NMU: variants seen among roughly 807,000 people sequenced by gnomAD.
NMU encodes the protein neuromedin-U.
In NMU, 29 loss-of-function variants were observed where a neutral mutation model predicts 35.4. That is an observed-to-expected ratio of 0.82 (90% CI 0.61 to 1.12). The LOEUF (loss-of-function observed/expected upper bound fraction) is 1.12. Among genes scored for constraint, NMU ranks in the 50% most tolerant of loss-of-function variants. NMU has a pLI of 0.00. For synonymous variants in NMU, 78 were observed against 81.3 expected, an observed-to-expected ratio of 0.96 and a Z score of 0.22; for missense variants, 199 against 206.2, an observed-to-expected ratio of 0.97 and a Z score of 0.21.
intron 9 of NMU, among the ~76,000 whole-genome samples, chr4:55,597,509 C>G (rs1401214706): frequency 6.6e-6 from 1 of 152,010 alleles, no homozygotes; most frequent in African/African-American, 2.4e-5. Context: ...GCTGGGATTA[C>G]AGGCATGCAC....
Position 55,626,524 on chromosome 4 carries a change from GC to G in NMU, c.171+3877del, listed in dbSNP as rs749531384. 3.3e-5 allele frequency among the ~76,000 whole-genome samples: 5 copies of G among 152,288 alleles called. No individual in the cohort carries two copies. The South Asian group carries it at 1.0e-3, about 32-fold the overall frequency. ...GTTTGAGACCAGCCTGGCCAACATG[GC>G]AAGACCCTGTCTCCACTTAAAATAC... On this transcript the variant is annotated intron_variant, in intron 2 of 9. Transcript: ENST00000264218.
chr4:55,619,078 A>C (rs901961290), intron 2 of NMU, among the ~76,000 whole-genome samples: 17 of 152,026 alleles, frequency 1.1e-4, no homozygotes, highest in Non-Finnish European at 2.5e-4. Context: ...TATGTTACCC[A>C]GGCTGGTCTT....
intron 9 of NMU, among the ~76,000 whole-genome samples, chr4:55,596,606 TC>T: frequency 6.6e-6 from 1 of 152,238 alleles, no homozygotes; most frequent in African/African-American, 2.4e-5. Flanking sequence ...GGATATGTTT[TC>T]TCATATTCCT....
intron 2 of NMU, among the ~76,000 whole-genome samples, chr4:55,625,937 C>T (rs71599696): frequency 1.3e-5 from 2 of 152,036 alleles, no homozygotes; most frequent in Non-Finnish European, 2.9e-5. Context: ...TCCTCCATTT[C>T]CTTCCACTAC....
At chr4:55,634,711 T>A (rs1715804991) in intron 1 of NMU, among the ~76,000 whole-genome samples, 2 of 152,336 alleles carry the variant, frequency 1.3e-5, no homozygotes, top group South Asian at 4.1e-4. Context: ...CATCCTAAGT[T>A]ACCAATAATA....
upstream of NMU, chr4:55,636,430 G>C: frequency 1.9e-6 from 1 of 522,500 alleles, no homozygotes; most frequent in East Asian, 3.7e-5. The surrounding 1 kb of genome is among the most constrained non-coding windows in gnomAD (Gnocchi z 4.0). Flanking sequence ...CTGCCTGCCC[G>C]CGCCCCACCC....
chr4:55,595,563 T>TATATATATATATAC lies in NMU; in HGVS notation c.*5-153_*5-152insGTATATATATATAT, dbSNP rs755203914. On this transcript the variant is annotated intron_variant, in intron 9 of 9. Coordinates refer to ENST00000264218, the MANE Select transcript of NMU (RefSeq NM_006681.4). Reference sequence around the variant, plus strand: ...AGCTGTATATATATATATATATATATACACACACACACACACACACATGCA... The same window carrying TATATATATATATAC: ...AGCTGTATATATATATATATATATATATATATATATATACACACACACACACACACACACATGCA... Among the ~76,000 whole-genome samples the TATATATATATATAC allele has an allele frequency of 2.2e-4, 26 of 120,048 alleles. 1 individual carries two copies. The highest frequency in any genetic ancestry group is 8.1e-4 in the Admixed American group (8 of 9,868). The allele number at this position is 120,048 out of a possible 152,430, so 78.8% of individuals were successfully genotyped here.
chr4:55,603,373 T>G (rs1196363015), intron 7 of NMU, among the ~76,000 whole-genome samples: 8 of 151,876 alleles, frequency 5.3e-5, no homozygotes, highest in Non-Finnish European at 1.2e-4. Context: ...AGTATCCAAA[T>G]TAAACTATAA....
At chr4:55,603,576 T>C (rs529485807) in intron 7 of NMU, among the ~76,000 whole-genome samples, 2 of 151,948 alleles carry the variant, frequency 1.3e-5, no homozygotes, top group South Asian at 4.2e-4. Flanking sequence ...AATATAAGAC[T>C]GAAAATTATA....
At chr4:55,633,115 G>A (rs1196153816) in intron 1 of NMU, among the ~76,000 whole-genome samples, 1 of 151,968 alleles carries the variant, frequency 6.6e-6, no homozygotes, top group Non-Finnish European at 1.5e-5. Flanking sequence ...ACCAGGTCAG[G>A]AGATTGAGAC....
intron 2 of NMU, among the ~76,000 whole-genome samples, chr4:55,627,721 C>G (rs1204494538): frequency 2.0e-5 from 3 of 152,100 alleles, no homozygotes; most frequent in Non-Finnish European, 4.4e-5. Flanking sequence ...TATCCAAAAT[C>G]CAAAAATCTC....
Position 55,600,559 on chromosome 4 carries a change from G to T in NMU, c.452C>A (p.Pro151His). The T allele has an allele frequency of 6.2e-7, 1 of 1,610,208 alleles. No homozygotes were observed. The highest frequency in any genetic ancestry group is 1.1e-5 in the South Asian group (1 of 90,962). The change falls in exon 8 of 10, where the codon CCC becomes CAC. Residue 151 changes from proline to histidine, a missense_variant. Physicochemically the swap from Pro to His is moderately conservative, Grantham distance 77 (BLOSUM62 -2). Transcript: ENST00000264218. ...ATATCCTCGACTTTGACTTGCAAAGGGACTTTGGAATTCTTCCTAGAAGAG... is the reference window on the plus strand; with the variant it reads ...ATATCCTCGACTTTGACTTGCAAAGTGACTTTGGAATTCTTCCTAGAAGAG... ...RFRVDEEFQSPFASQSRGYFL... is the reference protein window; with the variant it reads ...RFRVDEEFQSHFASQSRGYFL...
intron 3 of NMU, among the ~76,000 whole-genome samples, chr4:55,609,526 ATTC>A (rs770374458): frequency 6.6e-6 from 1 of 152,252 alleles, no homozygotes; most frequent in Non-Finnish European, 1.5e-5. Context: ...AAGAGGAATT[ATTC>A]TTCCCAGCTT....
intron 2 of NMU, among the ~76,000 whole-genome samples, chr4:55,625,730 T>A (rs1390753081): frequency 1.3e-5 from 2 of 152,150 alleles, no homozygotes; most frequent in African/African-American, 4.8e-5. Flanking sequence ...CATTTGTATA[T>A]GTTTTTGTAA....
intron 2 of NMU, among the ~76,000 whole-genome samples, chr4:55,626,204 CTT>C (rs1369015994): frequency 1.3e-5 from 2 of 152,212 alleles, no homozygotes; most frequent in African/African-American, 4.8e-5. Flanking sequence ...ACACTTTGCT[CTT>C]GTCCCAATTT....
intron 9 of NMU, among the ~76,000 whole-genome samples, chr4:55,598,896 T>C (rs1424356113): frequency 6.6e-6 from 1 of 152,142 alleles, no homozygotes; most frequent in African/African-American, 2.4e-5. Flanking sequence ...GAGGAATAAA[T>C]GACATAGGCA....
At chr4:55,599,284 A>G in intron 8 of NMU, 103 bp from the exon 9 acceptor site, 2 of 914,390 alleles carry the variant, frequency 2.2e-6, no homozygotes, top group Non-Finnish European at 1.8e-6. Context: ...CGTGCATCAC[A>G]ATCATCTAGA....
At chr4:55,600,081 T>C (rs1437028593) in intron 8 of NMU, among the ~76,000 whole-genome samples, 1 of 152,188 alleles carries the variant, frequency 6.6e-6, no homozygotes, top group Non-Finnish European at 1.5e-5. Flanking sequence ...AAATCAGAAC[T>C]GTAATCCTGA....
chr4:55,636,318 A>G (rs545209166), upstream of NMU: 1 of 1,320,104 alleles, frequency 7.6e-7, no homozygotes, highest in Admixed American at 3.9e-5. The surrounding 1 kb of genome is among the most constrained non-coding windows in gnomAD (Gnocchi z 4.0). Flanking sequence ...GCGAGCCGCC[A>G]ACTTTTAAAT....
Sources: allele counts gnomAD v4.1 joint callset (sites outside exome capture counted in the v4.1 genomes callset), GRCh38; gene constraint gnomAD v4.1.1; non-coding constraint Gnocchi (gnomAD v3.1); transcripts MANE v1.5; gene names NCBI Gene and HGNC (gene_info 2026-07-23, HGNC 2026-07-21).